The following MTUS2 variants were observed in gnomAD, a reference collection of about 807,000 sequenced individuals.
MTUS2 encodes the protein microtubule associated scaffold protein 2.
A neutral mutation model predicts 114.1 loss-of-function variants in MTUS2; 40 were observed. The ratio of observed to expected loss-of-function variants is 0.35; its 90% CI spans 0.27 to 0.46. The LOEUF is 0.46. Ranked by LOEUF, MTUS2 falls within the 20% of genes least tolerant of loss-of-function variation. MTUS2 has a pLI of 1.00. For missense variants in MTUS2, 1,679 were observed against 1,705.4 expected, an observed-to-expected ratio of 0.98 and a Z score of 0.27; for synonymous variants, 688 against 672.0, an observed-to-expected ratio of 1.02 and a Z score of -0.37.
At chr13:29,487,733 G>A (rs1455732477) in intron 10 of MTUS2, 167 bp from the exon 11 acceptor site, 4 of 631,670 alleles carry the variant, frequency 6.3e-6, no homozygotes. Context: ...ACCTCCCCGT[G>A]ATTCCGAGGG....
chr13:29,447,471 T>C (rs1878368199), intron 9 of MTUS2, among the ~76,000 whole-genome samples: 1 of 152,152 alleles, frequency 6.6e-6, no homozygotes, highest in Non-Finnish European at 1.5e-5. Flanking sequence ...CATTGAATCA[T>C]GCTTATAAAG....
In MTUS2 at chr13:29,034,031, G is replaced by A. The variant is rs745310964; in HGVS notation, c.2352G>A (p.Arg784=). 1.0e-4 allele frequency: 167 copies of A among 1,613,844 alleles called. No individual in the cohort carries two copies. Among genetic ancestry groups the A allele is most frequent in the South Asian group, 3.1e-4 (28 of 91,086 alleles). The change falls in exon 4 of 16, where the codon AGG becomes AGA. Residue 784 remains arginine, a synonymous_variant. Transcript: ENST00000612955. ...AMSRLPSAKS[R]ILIASQRSSA... The stretch of plus-strand genomic sequence containing the variant: ...CCCGTTTACCATCTGCAAAGAGCAG[G>A]ATTCTGATTGCAAGTCAGAGGTCTT...
At chr13:29,348,940 T>G (rs1868984730) in intron 7 of MTUS2, among the ~76,000 whole-genome samples, 1 of 152,208 alleles carries the variant, frequency 6.6e-6, no homozygotes, top group East Asian at 1.9e-4. Flanking sequence ...CTATTGATTT[T>G]TAAGTAGGTT....
At chr13:28,897,548 G>GTA (rs759390938) in intron 2 of MTUS2, among the ~76,000 whole-genome samples, 18 of 152,112 alleles carry the variant, frequency 1.2e-4, no homozygotes, top group Non-Finnish European at 2.2e-4. Context: ...CCATTACTGG[G>GTA]TATATACCCA....
intron 5 of MTUS2, among the ~76,000 whole-genome samples, chr13:29,217,205 T>C (rs1895715661): frequency 6.6e-6 from 1 of 151,822 alleles, no homozygotes; most frequent in East Asian, 1.9e-4. Flanking sequence ...ACTTAAAATA[T>C]AGTATTTTAT....
At chr13:29,375,546 T>G (rs1593367309) in intron 8 of MTUS2, among the ~76,000 whole-genome samples, 1 of 26,232 alleles carries the variant, frequency 3.8e-5, no homozygotes, top group Non-Finnish European at 7.6e-5. Flanking sequence ...TACGTGTATA[T>G]ATATATATAT....
chr13:29,204,010 A>T (rs1425089724), intron 5 of MTUS2, among the ~76,000 whole-genome samples: 1 of 150,630 alleles, frequency 6.6e-6, no homozygotes, highest in African/African-American at 2.5e-5. Flanking sequence ...CCCAGGCTGG[A>T]GTGCAGTGGC....
At chr13:29,269,924 G>A (rs7995279) in intron 5 of MTUS2, among the ~76,000 whole-genome samples, 55,545 of 151,970 alleles carry the variant, frequency 0.37, 10,621 homozygotes, top group East Asian at 0.45. Flanking sequence ...GAATTTTGAG[G>A]ACATTATCCT....
chr13:28,878,900 C>T (rs796148464), intron 2 of MTUS2, among the ~76,000 whole-genome samples: 4 of 152,154 alleles, frequency 2.6e-5, no homozygotes, highest in Admixed American at 6.5e-5. Context: ...TTTGAGGAAT[C>T]GCCACACTGT....
chr13:28,844,416 C>T (rs144281402), intron 2 of MTUS2, among the ~76,000 whole-genome samples: 2 of 148,544 alleles, frequency 1.3e-5, no homozygotes, highest in African/African-American at 5.0e-5. Flanking sequence ...TGTGTGTGTG[C>T]GCGCATGTGT....
intron 4 of MTUS2, among the ~76,000 whole-genome samples, chr13:29,091,550 C>A (rs530145280): frequency 6.6e-6 from 1 of 152,180 alleles, no homozygotes; most frequent in African/African-American, 2.4e-5. Context: ...GCCCAGTAGG[C>A]TTATATCTTC....
At chr13:28,894,359 A>G (rs1879140258) in intron 2 of MTUS2, among the ~76,000 whole-genome samples, 1 of 124,126 alleles carries the variant, frequency 8.1e-6, no homozygotes. Context: ...AGTGAGAGTG[A>G]GAGAGAGAGA....
At chr13:28,888,834 C>T (rs1878750133) in intron 2 of MTUS2, among the ~76,000 whole-genome samples, 1 of 152,018 alleles carries the variant, frequency 6.6e-6, no homozygotes. Flanking sequence ...AGAATTGGTC[C>T]CTTGAGATAT....
At chr13:29,014,988 A>T (rs1016283447) in intron 2 of MTUS2, among the ~76,000 whole-genome samples, 1 of 152,170 alleles carries the variant, frequency 6.6e-6, no homozygotes, top group African/African-American at 2.4e-5. Flanking sequence ...AGTGCCCGGG[A>T]TGACTCCCAG....
In MTUS2 at chr13:29,439,992, G is replaced by A. The variant is rs1313434116; in HGVS notation, c.3127G>A (p.Ala1043Thr). ...TQHFFRKNES[A>T]LVKEKELSIE... Reference sequence around the variant, plus strand: ...GTTTTTGTTTTTTCAGAATGAAAGTGCCCTTGTGAAAGAAAAAGAGCTGTC... The same window carrying A: ...GTTTTTGTTTTTTCAGAATGAAAGTACCCTTGTGAAAGAAAAAGAGCTGTC... Residue 1043 changes from alanine (A) to threonine (T), a missense_variant, in exon 9 of 16, where the codon GCC becomes ACC. This residue lies in a region of MTUS2 where 822 missense variants were observed against 899.7 expected (regional missense o/e 0.91). Coordinates refer to ENST00000612955, the MANE Select transcript of MTUS2 (RefSeq NM_001033602.4). The A allele has an allele frequency of 1.3e-6, 2 of 1,583,546 alleles. No individual in the cohort carries two copies. Among genetic ancestry groups the A allele is most frequent in the Middle Eastern group, 3.3e-4 (2 of 6,024 alleles).
intron 5 of MTUS2, among the ~76,000 whole-genome samples, chr13:29,275,690 A>G (rs1258095956): frequency 6.6e-6 from 1 of 152,210 alleles, no homozygotes; most frequent in Non-Finnish European, 1.5e-5. Flanking sequence ...GTTGTTGCAA[A>G]TGACAGGGCT....
At chr13:29,045,806 G>A (rs1593417182) in intron 4 of MTUS2, among the ~76,000 whole-genome samples, 1 of 152,270 alleles carries the variant, frequency 6.6e-6, no homozygotes, top group East Asian at 1.9e-4. Flanking sequence ...TAGGAGAGAA[G>A]CTTTCTGGGT....
At chr13:28,839,002 A>AT (rs576568383) in intron 1 of MTUS2, among the ~76,000 whole-genome samples, 43,281 of 109,880 alleles carry the variant, frequency 0.39, 6,337 homozygotes, top group East Asian at 0.48. Flanking sequence ...TTCAATCCTG[A>AT]TTTTTTTTTT....
chr13:29,315,944 A>G (rs534734794), intron 6 of MTUS2, among the ~76,000 whole-genome samples: 2 of 152,288 alleles, frequency 1.3e-5, no homozygotes, highest in African/African-American at 4.8e-5. Context: ...GACAAGGTCC[A>G]TGGTGATGCC....
Sources: allele counts gnomAD v4.1 joint callset (sites outside exome capture counted in the v4.1 genomes callset), GRCh38; gene constraint gnomAD v4.1.1; regional missense constraint gnomAD v4.1.1; transcripts MANE v1.5; gene names NCBI Gene and HGNC (gene_info 2026-07-23, HGNC 2026-07-21).